CAMK2G: variants seen among roughly 807,000 people sequenced by gnomAD.
The protein encoded by CAMK2G is calcium/calmodulin dependent protein kinase II gamma.
Under a neutral mutation model 88.7 loss-of-function variants are expected in CAMK2G, and 23 were observed. The observed-to-expected ratio is 0.26, with a 90% CI of 0.19 to 0.37. The LOEUF is 0.37. CAMK2G is among the 10% of genes least tolerant of loss of function. The probability of loss-of-function intolerance (pLI) is 1.00; values close to 1 mark genes in which losing one functional copy is unlikely to be tolerated. For missense variants in CAMK2G, 476 were observed against 780.8 expected, an observed-to-expected ratio of 0.61 and a Z score of 4.65; for synonymous variants, 263 against 294.8, an observed-to-expected ratio of 0.89 and a Z score of 1.11.
At chr10:73,873,581 C>T (rs1396142374) in intron 1 of CAMK2G, 1 of 977,758 alleles carries the variant, frequency 1.0e-6, no homozygotes, top group Non-Finnish European at 1.2e-6. Flanking sequence ...CCCCCCACAG[C>T]CGGTTTCATC....
intron 5 of CAMK2G, among the ~76,000 whole-genome samples, chr10:73,849,706 T>C (rs1398897768): frequency 6.6e-6 from 1 of 152,170 alleles, no homozygotes; most frequent in Non-Finnish European, 1.5e-5. Flanking sequence ...TACAGTAACT[T>C]TGTTCTTGGA....
chr10:73,840,295 A>G (rs1365253080), intron 12 of CAMK2G, among the ~76,000 whole-genome samples: 1 of 152,052 alleles, frequency 6.6e-6, no homozygotes, highest in Non-Finnish European at 1.5e-5. Flanking sequence ...GAAGCAATAC[A>G]CTCTGGAGGC....
chr10:73,851,752 G>GT (rs1491368738), intron 5 of CAMK2G, among the ~76,000 whole-genome samples: 7 of 138,204 alleles, frequency 5.1e-5, no homozygotes, highest in Non-Finnish European at 9.1e-5. Flanking sequence ...TTTTTTTGTG[G>GT]GGGGGGGGAG....
At chr10:73,870,770 C>T (rs1209258149) in intron 2 of CAMK2G, among the ~76,000 whole-genome samples, 2 of 152,164 alleles carry the variant, frequency 1.3e-5, no homozygotes, top group Non-Finnish European at 2.9e-5. Context: ...CCAGTGGCTG[C>T]ACCTTTATAA....
intron 3 of CAMK2G, among the ~76,000 whole-genome samples, chr10:73,858,867 A>G (rs1173206556): frequency 6.6e-6 from 1 of 152,128 alleles, no homozygotes; most frequent in African/African-American, 2.4e-5. Flanking sequence ...CTCATTTCTC[A>G]ATTGTCTTCA....
At chr10:73,829,700 G>GGGGT (rs1265867895) in intron 14 of CAMK2G, among the ~76,000 whole-genome samples, 1,496 of 138,418 alleles carry the variant, frequency 0.011, 18 homozygotes, top group Non-Finnish European at 0.014. Flanking sequence ...TAAGTAGTGG[G>GGGGT]GTGTGTGTGT....
At position 73,817,558 on chromosome 10, in the gene CAMK2G, TG is replaced by T; in HGVS notation, c.1364-5del. 1 of 1,608,346 alleles carries T rather than the reference TG, an allele frequency of 6.2e-7. No homozygotes were observed. Among genetic ancestry groups the T allele is most frequent in the Non-Finnish European group, 8.5e-7 (1 of 1,174,688 alleles). On this transcript the variant is annotated splice_region_variant and splice_polypyrimidine_tract_variant and intron_variant, in intron 19 of 22. Coordinates refer to ENST00000423381, the MANE Select transcript of CAMK2G (RefSeq NM_001367534.1). ...TTAATGATCTCCTGTTTTCGCACTG[TG>T]GGGGAGAAAAATCCATCAATTTACC...
chr10:73,860,634 G>A (rs1054531764), intron 3 of CAMK2G, among the ~76,000 whole-genome samples, 196 bp downstream of exon 3: 3 of 152,166 alleles, frequency 2.0e-5, no homozygotes, highest in South Asian at 2.1e-4. Context: ...AGAAGGTGCC[G>A]CAGTGATGCA....
intron 16 of CAMK2G, among the ~76,000 whole-genome samples, chr10:73,824,625 T>C (rs11000787): frequency 0.64 from 96,697 of 152,144 alleles, 31,900 homozygotes; most frequent in Middle Eastern, 0.83. Context: ...CGCCACGTCA[T>C]GTGGTATGAG....
At position 73,816,870 on chromosome 10, in the gene CAMK2G, C is replaced by T. The variant is rs757705577; in HGVS notation, c.1534+153G>A. On this transcript the variant is annotated intron_variant, in intron 21 of 22. Transcript: ENST00000423381. The stretch of plus-strand genomic sequence containing the variant: ...TTCAAAGGTGCCTGTCTACAACCAT[C>T]GGGGCACAAGGGGACAAGCATACAG... The T allele has an allele frequency of 2.2e-5, 35 of 1,601,736 alleles. No homozygotes were observed. Among genetic ancestry groups the T allele is most frequent in the Middle Eastern group, 1.7e-4 (1 of 6,052 alleles).
chr10:73,860,744 G>A, intron 3 of CAMK2G, 86 bp downstream of exon 3: 1 of 964,578 alleles, frequency 1.0e-6, no homozygotes, highest in East Asian at 2.4e-5. Flanking sequence ...CACAGACAGA[G>A]GTGATCCCAC....
intron 14 of CAMK2G, among the ~76,000 whole-genome samples, chr10:73,831,723 G>C (rs997864676): frequency 6.6e-6 from 1 of 151,368 alleles, no homozygotes; most frequent in Non-Finnish European, 1.5e-5. Flanking sequence ...AGCCGGGCGT[G>C]GTGGCACATG....
intron 18 of CAMK2G, among the ~76,000 whole-genome samples, chr10:73,821,251 A>G (rs1463838792): frequency 6.6e-6 from 1 of 151,548 alleles, no homozygotes; most frequent in Admixed American, 6.6e-5. Context: ...GTGAGCCAGC[A>G]CTCCTGGCCC....
chr10:73,832,393 G>A (rs951793839), intron 14 of CAMK2G, among the ~76,000 whole-genome samples: 3 of 151,660 alleles, frequency 2.0e-5, no homozygotes, highest in Non-Finnish European at 2.9e-5. Context: ...CGCAACCTCC[G>A]ACTCCCTAGT....
intron 19 of CAMK2G, 137 bp from the exon 20 acceptor site, chr10:73,817,691 C>T (rs1389945727): frequency 4.6e-6 from 3 of 656,596 alleles, no homozygotes; most frequent in Non-Finnish European, 8.4e-6. Context: ...GGGCCCTTGG[C>T]AGGAAGAGCG....
At chr10:73,828,702 A>G (rs767583073) in intron 14 of CAMK2G, among the ~76,000 whole-genome samples, 3 of 152,252 alleles carry the variant, frequency 2.0e-5, no homozygotes, top group Admixed American at 6.5e-5. Context: ...CAGTATAGCC[A>G]TGCTTGTTTA....
intron 20 of CAMK2G, 129 bp from the exon 21 acceptor site, chr10:73,817,246 T>G (rs2085949568): frequency 7.6e-7 from 1 of 1,317,888 alleles, no homozygotes; most frequent in African/African-American, 1.5e-5. Context: ...AGCAAAGATC[T>G]TCCAGGCCTG....
At position 73,813,766 on chromosome 10, in the gene CAMK2G, G is replaced by A. The variant is rs1372968726; in HGVS notation, c.*752C>T. The A allele has an allele frequency of 2.0e-5, 3 of 152,710 alleles. No homozygotes were observed. The highest frequency in any genetic ancestry group is 3.8e-4 in the East Asian group (2 of 5,198). 9.5% of individuals were successfully genotyped at this position (152,710 alleles called of 1,614,324 possible). A position where few individuals can be genotyped will look rare whatever the true frequency, so the allele number is the denominator to read the frequency against. ...TTGTGCATCCTATAGAAATGGATGA[G>A]TGAGTGCATGTCAGACTAACACGAG... On this transcript the variant is annotated 3_prime_UTR_variant, in exon 23 of 23. Transcript: ENST00000423381.
In CAMK2G at chr10:73,842,353, G is replaced by T; in HGVS notation, c.903+105C>A. ...CCCTGTGACATGTACAACCTTCAGA[G>T]CCCAGCTCCAGCCAGGAGGGGAGCT... On this transcript the variant is annotated intron_variant, in intron 11 of 22. Coordinates refer to ENST00000423381, the MANE Select transcript of CAMK2G (RefSeq NM_001367534.1). This position sits in a 1 kb window ranked among gnomAD's most constrained non-coding sequence, Gnocchi z 4.6. 8.7e-7 allele frequency: 1 copy of T among 1,155,194 alleles called. No individual in the cohort carries two copies. The highest frequency in any genetic ancestry group is 1.3e-6 in the Non-Finnish European group (1 of 763,354). The allele number at this position is 1,155,194 out of a possible 1,614,324, so 71.6% of individuals were successfully genotyped here.
Sources: allele counts gnomAD v4.1 joint callset (sites outside exome capture counted in the v4.1 genomes callset), GRCh38; gene constraint gnomAD v4.1.1; non-coding constraint Gnocchi (gnomAD v3.1); transcripts MANE v1.5; gene names NCBI Gene and HGNC (gene_info 2026-07-23, HGNC 2026-07-21).